The following BCORL1 variants were observed in gnomAD, a reference collection of about 807,000 sequenced individuals.
The protein encoded by BCORL1 is BCL6 corepressor like 1, also known as BCL-6 corepressor-like protein 1.
Under a neutral mutation model 87.6 loss-of-function variants are expected in BCORL1, and 7 were observed. The observed-to-expected ratio is 0.08, with a 90% confidence interval of 0.05 to 0.15. The LOEUF is 0.15. Ranked by LOEUF, BCORL1 falls within the 10% of genes least tolerant of loss-of-function variation. BCORL1 has a pLI of 1.00. For synonymous variants in BCORL1, 591 were observed against 634.4 expected (o/e 0.93, Z 1.03); for missense variants, 1,215 against 1,499.7 (o/e 0.81, Z 3.13).
chrX:130,034,940 C>T (rs754129404), intron 9 of BCORL1, among the ~76,000 whole-genome samples: 46 of 111,759 alleles, frequency 4.1e-4, no homozygotes, highest in African/African-American at 1.4e-3. Flanking sequence ...TGGATATCCA[C>T]GTTGTCTTAA....
At chrX:130,004,156 CGA>C (rs1265236265) in intron 1 of BCORL1, among the ~76,000 whole-genome samples, 1 of 108,911 alleles carries the variant, frequency 9.2e-6, no homozygotes, top group Non-Finnish European at 1.9e-5. Flanking sequence ...CTTGTCAAAG[CGA>C]GAGAGGGACA....
chrX:130,013,722 T>C lies in BCORL1; in HGVS notation c.950T>C (p.Ile317Thr). 1 of 1,203,457 alleles carries C rather than the reference T, an allele frequency of 8.3e-7. No homozygotes were observed. The highest frequency in any genetic ancestry group is 1.1e-6 in the Non-Finnish European group (1 of 891,359). Residue 317 changes from isoleucine (I) to threonine (T), a missense_variant, in exon 4 of 14, where the codon ATC becomes ACC. Ile to Thr is a moderately conservative substitution (Grantham distance 89). This residue lies in a region of BCORL1 where 861 missense variants were observed against 1,010.0 expected (regional missense o/e 0.85). Coordinates refer to ENST00000540052, the MANE Select transcript of BCORL1 (RefSeq NM_001379451.1). ...VPVSAPPLALIQAPVPPSAPT... is the reference protein window; with the variant it reads ...VPVSAPPLALTQAPVPPSAPT... ...GTTTCAGCTCCTCCCTTGGCTCTCATCCAGGCTCCTGTGCCCCCTTCAGCT... is the reference window on the plus strand; with the variant it reads ...GTTTCAGCTCCTCCCTTGGCTCTCACCCAGGCTCCTGTGCCCCCTTCAGCT...
chrX:130,011,000 T>C, intron 2 of BCORL1, among the ~76,000 whole-genome samples: 1 of 9,522 alleles, frequency 1.1e-4, no homozygotes, highest in African/African-American at 3.7e-4. Flanking sequence ...CGAGATTCAA[T>C]CTAAAAAAAA....
At chrX:130,018,958 G>A (rs192106908) in intron 4 of BCORL1, among the ~76,000 whole-genome samples, 14 of 112,082 alleles carry the variant, frequency 1.2e-4, no homozygotes, top group Admixed American at 3.8e-4. Context: ...ATAGTCTCCT[G>A]TTGCCAATAC....
At chrX:130,003,784 G>A (rs762018793) in intron 1 of BCORL1, among the ~76,000 whole-genome samples, 1 of 111,918 alleles carries the variant, frequency 8.9e-6, no homozygotes, top group Admixed American at 9.5e-5. Flanking sequence ...AGCTCCACAC[G>A]GGCAGGCATT....
chrX:130,053,296 C>A (rs975993471), intron 13 of BCORL1, among the ~76,000 whole-genome samples: 2 of 109,324 alleles, frequency 1.8e-5, no homozygotes, highest in Non-Finnish European at 3.8e-5. Flanking sequence ...TGCCCTCCCC[C>A]CCACCACCCC....
intron 1 of BCORL1, 32 bp from the exon 2 acceptor site, chrX:130,005,156 G>A (rs1928385187): frequency 1.1e-6 from 1 of 888,883 alleles, no homozygotes; most frequent in African/African-American, 1.9e-5. Flanking sequence ...TCCCTGTTAC[G>A]AGTTTTGATT....
At chrX:130,018,713 G>A (rs1929609224) in intron 4 of BCORL1, among the ~76,000 whole-genome samples, 1 of 112,198 alleles carries the variant, frequency 8.9e-6, no homozygotes, top group African/African-American at 3.2e-5. Context: ...AGTTCAGTGG[G>A]CCCACTATCA....
intron 13 of BCORL1, 130 bp downstream of exon 13, chrX:130,052,146 CT>C: frequency 1.5e-6 from 1 of 654,905 alleles, no homozygotes; most frequent in Admixed American, 3.8e-5. Flanking sequence ...CTAGCCTGCC[CT>C]TTTAGCCCAG....
intron 1 of BCORL1, among the ~76,000 whole-genome samples, chrX:129,986,968 G>A (rs1603056696): frequency 1.8e-5 from 2 of 112,151 alleles, no homozygotes; most frequent in Admixed American, 9.5e-5. Context: ...GGGAAAAAAG[G>A]ACTTGGACAC....
intron 1 of BCORL1, among the ~76,000 whole-genome samples, chrX:129,988,185 A>G (rs185180821): frequency 8.9e-6 from 1 of 111,953 alleles, no homozygotes; most frequent in African/African-American, 3.2e-5. Flanking sequence ...CATATGAACT[A>G]GGCTTTATTA....
chrX:130,043,746 TTATATATATATATATA>T (rs55637661), intron 11 of BCORL1, among the ~76,000 whole-genome samples: 22 of 17,474 alleles, frequency 1.3e-3, no homozygotes, highest in Middle Eastern at 0.031. Flanking sequence ...AGCTAATTTG[TTATATATATATATATA>T]TATATATATA....
intron 13 of BCORL1, among the ~76,000 whole-genome samples, chrX:130,052,803 G>C (rs141372072): frequency 4.0e-3 from 452 of 112,343 alleles, no homozygotes; most frequent in African/African-American, 0.014. Flanking sequence ...CAATTGTAAG[G>C]ATAATTTTTC....
chrX:129,984,664 G>A (rs1474846211), intron 1 of BCORL1, among the ~76,000 whole-genome samples: 1 of 110,648 alleles, frequency 9.0e-6, no homozygotes, highest in East Asian at 2.9e-4. Context: ...CTCGGCTGGG[G>A]ATTTCGCGTT....
chrX:129,985,078 C>A (rs1926489754), intron 1 of BCORL1, among the ~76,000 whole-genome samples: 1 of 111,092 alleles, frequency 9.0e-6, no homozygotes, highest in Non-Finnish European at 1.9e-5. Flanking sequence ...AGTACAATTG[C>A]AAAAATCTTC....
intron 10 of BCORL1, among the ~76,000 whole-genome samples, chrX:130,038,509 T>G (rs1931098412): frequency 9.7e-6 from 1 of 103,623 alleles, no homozygotes; most frequent in African/African-American, 3.6e-5. Context: ...TGAGATGGAG[T>G]CTCACTCTGT....
At chrX:129,985,432 T>C (rs1045246505) in intron 1 of BCORL1, among the ~76,000 whole-genome samples, 8 of 111,689 alleles carry the variant, frequency 7.2e-5, no homozygotes, top group Non-Finnish European at 1.5e-4. Flanking sequence ...GTACTAAAGA[T>C]GACAGTATGT....
chrX:130,025,386 C>G lies in BCORL1; in HGVS notation c.4078+7C>G, dbSNP rs765972530. Reference sequence around the variant, plus strand: ...CGGCGGAAAGGGAGAGCAGGTAAGGCTGGCCAGGGGCTCTGCTGTCGCCGC... The same window carrying G: ...CGGCGGAAAGGGAGAGCAGGTAAGGGTGGCCAGGGGCTCTGCTGTCGCCGC... On this transcript the variant is annotated splice_region_variant and intron_variant, in intron 7 of 13. Coordinates refer to ENST00000540052, the MANE Select transcript of BCORL1 (RefSeq NM_001379451.1). The G allele has an allele frequency of 8.8e-7, 1 of 1,138,668 alleles. No individual in the cohort carries two copies. The highest frequency in any genetic ancestry group is 1.8e-5 in the African/African-American group (1 of 54,480). 93.8% of individuals were successfully genotyped at this position (1,138,668 alleles called of 1,213,427 possible).
At chrX:129,997,986 C>CATATATATATATAT in intron 1 of BCORL1, among the ~76,000 whole-genome samples, 1 of 96,015 alleles carries the variant, frequency 1.0e-5, no homozygotes, top group African/African-American at 3.9e-5. Flanking sequence ...TGAAGTTTTA[C>CATATATATATATAT]ATATATATAT....
Sources: gnomAD v4.1 joint callset for allele counts (sites outside exome capture counted in the v4.1 genomes callset) on GRCh38, gnomAD v4.1.1 for gene constraint, gnomAD v4.1.1 regional missense constraint, MANE v1.5 for transcripts, NCBI Gene and HGNC (gene_info 2026-07-23, HGNC 2026-07-21) for gene names.